The following B3GAT1 variants were observed in gnomAD, a reference collection of about 807,000 sequenced individuals.
B3GAT1 encodes the protein beta-1,3-glucuronyltransferase 1, also known as galactosylgalactosylxylosylprotein 3-beta-glucuronosyltransferase 1.
Under a neutral mutation model 28.4 loss-of-function variants are expected in B3GAT1, and 11 were observed. That is an observed-to-expected ratio of 0.39 (90% CI 0.24 to 0.64). The LOEUF is 0.64. B3GAT1 is among the 30% of genes least tolerant of loss of function. The pLI is 0.50. For synonymous variants in B3GAT1, 255 were observed against 223.1 expected, an observed-to-expected ratio of 1.14 and a Z score of -1.27; for missense variants, 375 against 491.0, an observed-to-expected ratio of 0.76 and a Z score of 2.23.
chr11:134,403,260 C>T (rs959749696), intron 1 of B3GAT1, among the ~76,000 whole-genome samples: 6 of 152,204 alleles, frequency 3.9e-5, no homozygotes, highest in Admixed American at 6.5e-5. Context: ...AGTACCCGGC[C>T]GATTTCTTTC....
intron 1 of B3GAT1, among the ~76,000 whole-genome samples, chr11:134,400,692 G>C (rs1288000577): frequency 6.6e-6 from 1 of 152,198 alleles, no homozygotes; most frequent in Non-Finnish European, 1.5e-5. Flanking sequence ...ACACCATTTT[G>C]GACATCAGCC....
intron 3 of B3GAT1, 104 bp downstream of exon 3, chr11:134,383,576 G>A (rs1944187705): frequency 7.2e-7 from 1 of 1,394,886 alleles, no homozygotes; most frequent in East Asian, 2.6e-5. Flanking sequence ...CCGGCTTCCC[G>A]GGTTCCCCCT....
At chr11:134,390,627 G>A (rs1591639912) in intron 1 of B3GAT1, 1 of 152,416 alleles carries the variant, frequency 6.6e-6, no homozygotes, top group East Asian at 1.9e-4. Flanking sequence ...GTCCGAAGAT[G>A]AGGCTCAGCT....
chr11:134,384,234 C>T (rs772344058), intron 2 of B3GAT1, 46 bp from the exon 3 acceptor site: 34 of 1,508,836 alleles, frequency 2.3e-5, no homozygotes, highest in African/African-American at 2.7e-5. Flanking sequence ...GCGCCGGCTA[C>T]GGCCCTGGAT....
chr11:134,381,776 G>T (rs1444719580), intron 5 of B3GAT1, 148 bp downstream of exon 5: 8 of 644,712 alleles, frequency 1.2e-5, no homozygotes, highest in Non-Finnish European at 1.9e-5. Flanking sequence ...AGTGGGAAGG[G>T]GACTGTGGTG....
Position 134,381,928 on chromosome 11 carries a change from A to C in B3GAT1, c.*10T>G. ...CCACCCTCGTCATGCCCATACCTGC[A>C]TCCTGAGGCTCAGATCTCCACCGAG... is the stretch of plus-strand genomic sequence containing the variant. On this transcript the variant is annotated 3_prime_UTR_variant, in exon 5 of 6. Coordinates refer to ENST00000312527, the MANE Select transcript of B3GAT1 (RefSeq NM_054025.3). 6.2e-7 allele frequency: 1 copy of C among 1,613,618 alleles called. No homozygotes were observed. Among genetic ancestry groups the C allele is most frequent in the Non-Finnish European group, 8.5e-7 (1 of 1,179,758 alleles).
At chr11:134,398,765 C>T (rs1944553071) in intron 1 of B3GAT1, among the ~76,000 whole-genome samples, 1 of 152,146 alleles carries the variant, frequency 6.6e-6, no homozygotes, top group Admixed American at 6.5e-5. Context: ...CAGCTGGCCC[C>T]CGGCCTCTGG....
intron 1 of B3GAT1, among the ~76,000 whole-genome samples, chr11:134,394,019 T>G (rs911248631): frequency 2.0e-5 from 3 of 152,106 alleles, no homozygotes; most frequent in Non-Finnish European, 1.5e-5. Flanking sequence ...AATCCATACT[T>G]CATTAACCTA....
At chr11:134,396,136 A>G (rs1944501069) in intron 1 of B3GAT1, among the ~76,000 whole-genome samples, 1 of 152,220 alleles carries the variant, frequency 6.6e-6, no homozygotes, top group Admixed American at 6.5e-5. Flanking sequence ...GCACAGTGTA[A>G]TCCTGGGAGT....
intron 1 of B3GAT1, among the ~76,000 whole-genome samples, chr11:134,397,035 C>T (rs185780420): frequency 6.6e-6 from 1 of 152,322 alleles, no homozygotes; most frequent in Admixed American, 6.5e-5. Context: ...CTGGAAGCAG[C>T]TCTCATCCAA....
intron 1 of B3GAT1, among the ~76,000 whole-genome samples, chr11:134,403,335 T>C (rs1944657464): frequency 6.6e-6 from 1 of 152,114 alleles, no homozygotes; most frequent in Non-Finnish European, 1.5e-5. Flanking sequence ...ACCGGTACGT[T>C]TGCCTGGGAC....
chr11:134,384,409 C>G (rs1449488906), intron 2 of B3GAT1: 1 of 543,542 alleles, frequency 1.8e-6, no homozygotes, highest in Non-Finnish European at 3.1e-6. Flanking sequence ...GACATAACCT[C>G]TTCCTTCCCA....
intron 1 of B3GAT1, among the ~76,000 whole-genome samples, chr11:134,399,816 A>G (rs1463344703): frequency 1.3e-5 from 2 of 152,180 alleles, no homozygotes; most frequent in Non-Finnish European, 2.9e-5. Flanking sequence ...GGCACAGGTC[A>G]TGGTGACTGA....
Position 134,382,890 on chromosome 11 carries a change from G to A in B3GAT1, c.738C>T (p.Asp246=), listed in dbSNP as rs1591632490. The A allele has an allele frequency of 6.2e-7, 1 of 1,613,998 alleles. No individual in the cohort carries two copies. The highest frequency in any genetic ancestry group is 8.5e-7 in the Non-Finnish European group (1 of 1,179,966). Reference sequence around the variant, plus strand: ...TGTCTATTGCAAATGGCCGGTGGGGGTCAAACACCGTCTTCCAGCCGACCA... The same window carrying A: ...TGTCTATTGCAAATGGCCGGTGGGGATCAAACACCGTCTTCCAGCCGACCA... ...GKVVGWKTVF[D]PHRPFAIDMA... The change falls in exon 4 of 6, where the codon GAC becomes GAT. Residue 246 remains aspartate, a synonymous_variant. Transcript: ENST00000312527.
chr11:134,381,728 T>C, intron 5 of B3GAT1, 196 bp downstream of exon 5: 1 of 571,902 alleles, frequency 1.7e-6, no homozygotes, highest in East Asian at 2.9e-5. Flanking sequence ...CCCAGCTGCG[T>C]GGGTGAAAGT....
intron 5 of B3GAT1, 108 bp downstream of exon 5, chr11:134,381,816 C>T (rs1944130334): frequency 1.1e-6 from 1 of 888,212 alleles, no homozygotes; most frequent in African/African-American, 1.6e-5. Flanking sequence ...CCCACATCTG[C>T]CCTGTCCTCC....
chr11:134,388,912 A>G (rs1944353218), intron 1 of B3GAT1: 1 of 152,240 alleles, frequency 6.6e-6, no homozygotes, highest in African/African-American at 2.4e-5. Flanking sequence ...TGCTGCGATG[A>G]ACATACAGGT....
chr11:134,396,829 A>C (rs1361376982), intron 1 of B3GAT1, among the ~76,000 whole-genome samples: 3 of 152,142 alleles, frequency 2.0e-5, no homozygotes, highest in African/African-American at 7.2e-5. Context: ...TCACCTCCAA[A>C]GAAGAGGCAG....
chr11:134,400,563 GA>G (rs1178342864), intron 1 of B3GAT1, among the ~76,000 whole-genome samples: 3 of 152,256 alleles, frequency 2.0e-5, no homozygotes, highest in African/African-American at 7.2e-5. Context: ...GCCATGTGCA[GA>G]AGAATGAAAC....
Sources: allele counts gnomAD v4.1 joint callset (sites outside exome capture counted in the v4.1 genomes callset), GRCh38; gene constraint gnomAD v4.1.1; transcripts MANE v1.5; gene names NCBI Gene and HGNC (gene_info 2026-07-23, HGNC 2026-07-21).